The following ARMC3 variants were observed in gnomAD, a reference collection of about 807,000 sequenced individuals.
ARMC3 encodes armadillo repeat-containing protein 3.
A neutral mutation model predicts 90.3 loss-of-function variants in ARMC3; 74 were observed. The ratio of observed to expected loss-of-function variants is 0.82; its 90% CI spans 0.68 to 0.99. The LOEUF (loss-of-function observed/expected upper bound fraction) is 0.99. Among genes scored for constraint, ARMC3 ranks in the 50% least tolerant of loss-of-function variants. ARMC3 has a pLI of 0.00. For missense variants in ARMC3, 958 were observed against 1,042.8 expected (o/e 0.92, Z 1.12); for synonymous variants, 334 against 361.8 (o/e 0.92, Z 0.87).
Position 22,931,979 on chromosome 10 carries a change from A to G in ARMC3, c.-1-17A>G, listed in dbSNP as rs1437919632. 6.3e-7 allele frequency: 1 copy of G among 1,598,410 alleles called. No individual in the cohort carries two copies. The highest frequency in any genetic ancestry group is 2.2e-5 in the East Asian group (1 of 44,612). On this transcript the variant is annotated splice_polypyrimidine_tract_variant and intron_variant, in intron 1 of 18. Transcript: ENST00000298032. ...TGTGCAAATGTCACTTTAACCATAT[A>G]TTGCATCTTTTTCCAGGATGGGTAA...
At chr10:22,977,841 T>C (rs1161542011) in intron 8 of ARMC3, among the ~76,000 whole-genome samples, 1 of 152,216 alleles carries the variant, frequency 6.6e-6, no homozygotes, top group African/African-American at 2.4e-5. Flanking sequence ...CAATAAATTA[T>C]TATGAATGAA....
At chr10:22,982,117 C>T (rs1194063614) in intron 10 of ARMC3, among the ~76,000 whole-genome samples, 2 of 152,210 alleles carry the variant, frequency 1.3e-5, no homozygotes, top group African/African-American at 2.4e-5. Flanking sequence ...TGGCTCCCAC[C>T]TGTAATCTCA....
At chr10:22,966,594 A>T (rs919118012) in intron 7 of ARMC3, among the ~76,000 whole-genome samples, 1 of 152,228 alleles carries the variant, frequency 6.6e-6, no homozygotes, top group African/African-American at 2.4e-5. Context: ...GTGCATGTGT[A>T]TATGGGTGTA....
chr10:22,993,668 C>A (rs1281804262), intron 10 of ARMC3, among the ~76,000 whole-genome samples: 2 of 152,090 alleles, frequency 1.3e-5, no homozygotes, highest in African/African-American at 4.8e-5. Context: ...GTACCAGGTA[C>A]AGACATAGCA....
chr10:22,957,226 T>C (rs188460731), intron 4 of ARMC3, among the ~76,000 whole-genome samples: 2 of 152,292 alleles, frequency 1.3e-5, no homozygotes, highest in African/African-American at 4.8e-5. Flanking sequence ...GTGATGACAG[T>C]GAGGCCTCCT....
Position 22,971,732 on chromosome 10 carries a change from T to A in ARMC3, c.916+3243T>A, listed in dbSNP as rs193096347. Among the ~76,000 whole-genome samples, 334 of 149,460 alleles carry A rather than the reference T, an allele frequency of 2.2e-3. 4 individuals are homozygous for A. Among genetic ancestry groups the A allele is most frequent in the African/African-American group, 7.4e-3 (296 of 39,936 alleles). On this transcript the variant is annotated intron_variant, in intron 8 of 18. Coordinates refer to ENST00000298032, the MANE Select transcript of ARMC3 (RefSeq NM_173081.5). ...CTGGGATTACAGGTGTGAGCCACCATGCCCGTCCTCTATTTTTAATTTTTT... is the reference window on the plus strand; with the variant it reads ...CTGGGATTACAGGTGTGAGCCACCAAGCCCGTCCTCTATTTTTAATTTTTT...
intron 10 of ARMC3, chr10:22,997,290 G>C (rs537594540): frequency 1.3e-5 from 2 of 152,320 alleles, no homozygotes; most frequent in African/African-American, 4.8e-5. Context: ...CATCTTGGAA[G>C]CTAAGCAGGG....
Position 23,003,236 on chromosome 10 carries a change from T to C in ARMC3, c.1563-10T>C. The C allele has an allele frequency of 6.2e-7, 1 of 1,607,436 alleles. No homozygotes were observed. On this transcript the variant is annotated splice_polypyrimidine_tract_variant and intron_variant, in intron 12 of 18. Transcript: ENST00000298032. ...ATAAAGCAAATAATGCTTTTTGCTTTTATTGACAGGGCTTTAGATATCCTT... is the reference window on the plus strand; with the variant it reads ...ATAAAGCAAATAATGCTTTTTGCTTCTATTGACAGGGCTTTAGATATCCTT...
chr10:23,006,608 A>G (rs1003441646), intron 13 of ARMC3: 3 of 359,432 alleles, frequency 8.3e-6, no homozygotes, highest in Non-Finnish European at 1.6e-5. Context: ...TGCCAATCCA[A>G]ATACTTCCAG....
At chr10:23,029,822 T>C (rs12264628) in intron 16 of ARMC3, among the ~76,000 whole-genome samples, 2,126 of 152,324 alleles carry the variant, frequency 0.014, 54 homozygotes, top group African/African-American at 0.048. Flanking sequence ...GTCTTTGTTC[T>C]TGTACGTCAT....
intron 10 of ARMC3, chr10:22,997,471 A>G (rs760853983): frequency 9.9e-5 from 15 of 152,254 alleles, no homozygotes; most frequent in Non-Finnish European, 1.8e-4. Flanking sequence ...TTAATAACTG[A>G]ATATGCCTAC....
In ARMC3 at chr10:23,018,137, C is replaced by T. The variant is rs190890627; in HGVS notation, c.2045+9206C>T. On this transcript the variant is annotated intron_variant, in intron 16 of 18. Transcript: ENST00000298032. ...GGAAAGGAACTAGCAGCAGTGTTGA[C>T]TGCAAGTCAGGTATTAGAAACAGCA... Among the ~76,000 whole-genome samples the T allele has an allele frequency of 3.7e-4, 56 of 152,322 alleles. No individual in the cohort carries two copies. In the East Asian group the frequency reaches 9.7e-3, roughly 26 times the overall value.
intron 10 of ARMC3, among the ~76,000 whole-genome samples, chr10:22,987,221 C>T (rs1836489087): frequency 1.3e-5 from 2 of 152,170 alleles, no homozygotes; most frequent in South Asian, 4.1e-4. Context: ...ATCCTGTATG[C>T]TTCTATCCAA....
intron 17 of ARMC3, 169 bp downstream of exon 17, chr10:23,030,965 G>A (rs1051839709): frequency 5.7e-6 from 4 of 697,264 alleles, no homozygotes; most frequent in Admixed American, 3.3e-5. Flanking sequence ...CTTCTATTTA[G>A]GTCATACGTT....
At chr10:23,000,488 A>G (rs1275768114) in intron 11 of ARMC3, among the ~76,000 whole-genome samples, 2 of 152,180 alleles carry the variant, frequency 1.3e-5, no homozygotes, top group Admixed American at 6.5e-5. Context: ...ACTTTAGGGA[A>G]GGGAACTGAG....
chr10:22,998,087 G>A (rs1040480364), intron 10 of ARMC3, 61 bp from the exon 11 acceptor site: 8 of 1,568,202 alleles, frequency 5.1e-6, no homozygotes, highest in South Asian at 1.2e-5. Context: ...TTAGTTGCAT[G>A]CTCCAAAGAT....
chr10:22,968,240 T>C, intron 7 of ARMC3, 66 bp from the exon 8 acceptor site: 2 of 1,434,876 alleles, frequency 1.4e-6, no homozygotes, highest in Non-Finnish European at 1.9e-6. Context: ...TTTCCTCTTG[T>C]AGTCAAATTT....
intron 16 of ARMC3, among the ~76,000 whole-genome samples, chr10:23,016,995 C>T (rs1299436461): frequency 1.3e-5 from 2 of 152,168 alleles, no homozygotes; most frequent in Non-Finnish European, 2.9e-5. Context: ...TCTGTGCTTC[C>T]TGCACTTCTA....
intron 16 of ARMC3, among the ~76,000 whole-genome samples, chr10:23,016,087 T>TA (rs1421996136): frequency 1.3e-5 from 2 of 152,240 alleles, no homozygotes; most frequent in African/African-American, 4.8e-5. Flanking sequence ...CCTTTTGGAA[T>TA]AAATTGGGTG....
Sources: allele counts gnomAD v4.1 joint callset (sites outside exome capture counted in the v4.1 genomes callset), GRCh38; gene constraint gnomAD v4.1.1; transcripts MANE v1.5; gene names NCBI Gene and HGNC (gene_info 2026-07-23, HGNC 2026-07-21).